Variants in GALNT14 observed in about 807,000 individuals in gnomAD.
The protein encoded by GALNT14 is polypeptide N-acetylgalactosaminyltransferase 14, also known as UDP-GalNAc:polypeptide N-acetylgalactosaminyltransferase 14.
Under a neutral mutation model 77.5 loss-of-function variants are expected in GALNT14, and 60 were observed. The ratio of observed to expected loss-of-function variants is 0.77; its 90% CI spans 0.63 to 0.96. The LOEUF is 0.96. Ranked by LOEUF, GALNT14 falls within the 40% of genes least tolerant of loss-of-function variation. The pLI, the probability that GALNT14 is intolerant of heterozygous loss-of-function variation, is 0.00. For missense variants in GALNT14, 710 were observed against 731.0 expected (o/e 0.97, Z 0.33); for synonymous variants, 280 against 281.7 (o/e 0.99, Z 0.06).
intron 1 of GALNT14, among the ~76,000 whole-genome samples, chr2:31,061,766 G>A (rs1674605993): frequency 3.3e-5 from 5 of 152,112 alleles, no homozygotes. Context: ...TTCCCCTGCC[G>A]AGTATGTTCT....
intron 1 of GALNT14, among the ~76,000 whole-genome samples, chr2:31,105,727 AAAAAAAAGAAAAAG>A (rs748178322): frequency 1.1e-4 from 17 of 152,124 alleles, no homozygotes; most frequent in Non-Finnish European, 2.5e-4. Flanking sequence ...CCTGTCTCAA[AAAAAAAAGAAAAAG>A]AAAAAAAGAA....
At position 30,923,056 on chromosome 2, in the gene GALNT14, CTTTTTTTTTTT is replaced by C. The variant is rs56163710; in HGVS notation, c.1380+1052_1380+1062del. Among the ~76,000 whole-genome samples, 69 of 116,536 alleles carry C rather than the reference CTTTTTTTTTTT, an allele frequency of 5.9e-4. No homozygotes were observed. The East Asian group carries it at 0.015, about 26-fold the overall frequency. 76.5% of individuals were successfully genotyped at this position (116,536 alleles called of 152,430 possible). On this transcript the variant is annotated intron_variant, in intron 13 of 14. Coordinates refer to ENST00000349752, the MANE Select transcript of GALNT14 (RefSeq NM_024572.4). ...GCAAGGAAGCCATAGACAAACGTGC[CTTTTTTTTTTT>C]TTTTTTTTTTTTGAAATGGAGTTTC... is the stretch of plus-strand genomic sequence containing the variant.
At chr2:30,951,619 T>C (rs559410179) in intron 6 of GALNT14, among the ~76,000 whole-genome samples, 27 of 152,382 alleles carry the variant, frequency 1.8e-4, no homozygotes, top group African/African-American at 6.3e-4. Flanking sequence ...TTTCATTATA[T>C]GTATTTTACA....
the GALNT14 span, among the ~76,000 whole-genome samples, chr2:30,899,688 G>A: frequency 4.6e-5 from 7 of 151,838 alleles, no homozygotes; most frequent in Admixed American, 1.3e-4. Flanking sequence ...AAATAATGTC[G>A]TGCTCAAGTC....
At chr2:30,972,912 G>A (rs1192383741) in intron 2 of GALNT14, among the ~76,000 whole-genome samples, 1 of 152,156 alleles carries the variant, frequency 6.6e-6, no homozygotes, top group Non-Finnish European at 1.5e-5. Context: ...GTCTGATCAG[G>A]TGGGCGAAGA....
rs144608517 is a variant in GALNT14 at position 30,973,388 on chromosome 2, A to T, written c.300-7086T>A. ...TGTGAGGAAGAAAGAATGAGCGGAGAAAAGCTCTTGGCCAATGACCTTTCC... is the reference window on the plus strand; with the variant it reads ...TGTGAGGAAGAAAGAATGAGCGGAGTAAAGCTCTTGGCCAATGACCTTTCC... On this transcript the variant is annotated intron_variant, in intron 2 of 14. Transcript: ENST00000349752. Among the ~76,000 whole-genome samples the T allele has an allele frequency of 3.5e-3, 526 of 152,330 alleles. 4 individuals carry two copies. The highest frequency in any genetic ancestry group is 0.017 in the South Asian group (84 of 4,822).
the GALNT14 span, among the ~76,000 whole-genome samples, chr2:30,893,899 C>T: frequency 1.3e-5 from 2 of 152,130 alleles, no homozygotes; most frequent in Non-Finnish European, 2.9e-5. Context: ...ACAACCTTAG[C>T]TTTTCTTGTC....
intron 1 of GALNT14, among the ~76,000 whole-genome samples, chr2:31,085,631 T>C (rs987664695): frequency 2.0e-5 from 3 of 152,214 alleles, no homozygotes; most frequent in Admixed American, 2.0e-4. Flanking sequence ...TCCTCCGGTA[T>C]CTCCCTCCAC....
chr2:30,920,861 C>G (rs559367176), intron 13 of GALNT14, among the ~76,000 whole-genome samples: 1 of 152,322 alleles, frequency 6.6e-6, no homozygotes, highest in African/African-American at 2.4e-5. Flanking sequence ...GGCCGTGGTA[C>G]AGTCTGTGAA....
chr2:30,957,823 C>T (rs939751293), intron 4 of GALNT14, among the ~76,000 whole-genome samples: 7 of 152,120 alleles, frequency 4.6e-5, no homozygotes, highest in Non-Finnish European at 7.4e-5. Context: ...AGAACTGTAC[C>T]CAGGCTCCTG....
intron 1 of GALNT14, among the ~76,000 whole-genome samples, chr2:31,032,710 C>T (rs974046428): frequency 2.6e-5 from 4 of 152,182 alleles, no homozygotes; most frequent in Admixed American, 2.0e-4. Flanking sequence ...CTCCTCTGCA[C>T]AACTCCATAG....
intron 1 of GALNT14, among the ~76,000 whole-genome samples, chr2:31,130,806 C>A (rs1480061480): frequency 9.9e-6 from 1 of 100,886 alleles, no homozygotes; most frequent in South Asian, 3.1e-4. Context: ...GTGTGTGTGC[C>A]TGTGTGTGTA....
chr2:31,076,226 C>G (rs937902298), intron 1 of GALNT14, among the ~76,000 whole-genome samples: 2 of 152,214 alleles, frequency 1.3e-5, no homozygotes, highest in African/African-American at 4.8e-5. Context: ...CACCATGCAC[C>G]ACACAATACA....
At chr2:30,987,779 T>C (rs1669401178) in intron 2 of GALNT14, among the ~76,000 whole-genome samples, 1 of 144,134 alleles carries the variant, frequency 6.9e-6, no homozygotes, top group Non-Finnish European at 1.5e-5. Flanking sequence ...ATCTTCAGAT[T>C]CCTGAGCTGC....
intron 1 of GALNT14, among the ~76,000 whole-genome samples, chr2:31,034,596 A>G (rs556544893): frequency 5.9e-5 from 9 of 151,594 alleles, no homozygotes; most frequent in African/African-American, 1.7e-4. Context: ...TGTCTGCTCT[A>G]ATCTTTATTA....
intron 1 of GALNT14, among the ~76,000 whole-genome samples, chr2:31,027,856 T>C (rs1470609161): frequency 6.8e-6 from 1 of 146,504 alleles, no homozygotes; most frequent in African/African-American, 2.5e-5. Context: ...GCCTGGCGGA[T>C]ATGATACTCT....
At chr2:30,950,754 A>G (rs1475761888) in intron 6 of GALNT14, among the ~76,000 whole-genome samples, 1 of 152,260 alleles carries the variant, frequency 6.6e-6, no homozygotes, top group Admixed American at 6.5e-5. Context: ...GCAAGGACCC[A>G]GGAGCTTAGC....
chr2:31,122,975 A>G (rs547695234), intron 1 of GALNT14, among the ~76,000 whole-genome samples: 5 of 152,146 alleles, frequency 3.3e-5, no homozygotes, highest in African/African-American at 1.2e-4. Context: ...AGGTCAGGAG[A>G]TCAAGACCAT....
chr2:30,978,520 T>G (rs933883843), intron 2 of GALNT14, among the ~76,000 whole-genome samples: 1 of 152,222 alleles, frequency 6.6e-6, no homozygotes, highest in Non-Finnish European at 1.5e-5. Flanking sequence ...GGGGATGGTA[T>G]GATCAATACG....
Sources: allele counts gnomAD v4.1 joint callset (sites outside exome capture counted in the v4.1 genomes callset), GRCh38; gene constraint gnomAD v4.1.1; transcripts MANE v1.5; gene names NCBI Gene and HGNC (gene_info 2026-07-23, HGNC 2026-07-21).